The following SCUBE2 variants were observed in gnomAD, a reference collection of about 807,000 sequenced individuals.
SCUBE2 encodes signal peptide, CUB domain and EGF like domain containing 2, also known as signal peptide, CUB and EGF-like domain-containing protein 2.
In SCUBE2, 114 loss-of-function variants were observed where a neutral mutation model predicts 125.9. The ratio of observed to expected loss-of-function variants is 0.91; its 90% CI spans 0.78 to 1.06. The LOEUF is 1.06. SCUBE2 is among the 50% of genes least tolerant of loss of function. The pLI is 0.00. For synonymous variants in SCUBE2, 459 were observed against 492.9 expected (o/e 0.93, Z 0.91); for missense variants, 1,255 against 1,301.8 (o/e 0.96, Z 0.55).
Position 9,027,329 on chromosome 11 carries a change from T to C in SCUBE2, c.2701+35A>G, listed in dbSNP as rs1172098378. ...GGAGCAGGTCATCAGGCTTCCCAGC[T>C]GGCCTGAGAAAGGGAGGGAGGGAGT... On this transcript the variant is annotated intron_variant, in intron 20 of 22. Coordinates refer to ENST00000649792, the MANE Select transcript of SCUBE2 (RefSeq NM_001367977.2). The C allele has an allele frequency of 2.5e-6, 4 of 1,607,110 alleles. No individual in the cohort carries two copies. The Admixed American group carries it at 5.0e-5, about 20-fold the overall frequency.
chr11:9,074,370 C>G, intron 4 of SCUBE2, 111 bp downstream of exon 4: 1 of 1,395,686 alleles, frequency 7.2e-7, no homozygotes, highest in Non-Finnish European at 9.7e-7. Context: ...CCTCAGGCCT[C>G]CAGACTTTCT....
At chr11:9,070,711 AG>A (rs1258910377) in intron 4 of SCUBE2, among the ~76,000 whole-genome samples, 3 of 152,230 alleles carry the variant, frequency 2.0e-5, no homozygotes, top group African/African-American at 7.2e-5. Context: ...GTGAAGTCAA[AG>A]TTCTCTCTCC....
At chr11:9,070,627 A>C (rs1860703479) in intron 4 of SCUBE2, among the ~76,000 whole-genome samples, 1 of 152,178 alleles carries the variant, frequency 6.6e-6, no homozygotes, top group Admixed American at 6.5e-5. Context: ...CGAGTACAAA[A>C]AGGTTGCTTT....
intron 4 of SCUBE2, 32 bp downstream of exon 4, chr11:9,074,449 C>T (rs536674945): frequency 1.2e-5 from 19 of 1,612,430 alleles, no homozygotes; most frequent in African/African-American, 8.0e-5. Context: ...TCAGATGTGG[C>T]TCTGCCCCCA....
At chr11:9,064,107 G>A (rs1019215374) in intron 7 of SCUBE2, among the ~76,000 whole-genome samples, 4 of 152,118 alleles carry the variant, frequency 2.6e-5, no homozygotes, top group African/African-American at 9.7e-5. Context: ...GGGAAGCAGT[G>A]AGAGCTAAAT....
intron 2 of SCUBE2, among the ~76,000 whole-genome samples, chr11:9,082,751 C>T (rs530285346): frequency 2.6e-5 from 4 of 152,130 alleles, no homozygotes; most frequent in African/African-American, 7.2e-5. Flanking sequence ...ATTCCACTTA[C>T]GTGAAATGTC....
intron 2 of SCUBE2, among the ~76,000 whole-genome samples, chr11:9,080,993 C>G (rs1216730474): frequency 6.6e-6 from 1 of 152,134 alleles, no homozygotes; most frequent in Non-Finnish European, 1.5e-5. Flanking sequence ...TGAAAAAATG[C>G]TCAACGCCAT....
intron 16 of SCUBE2, among the ~76,000 whole-genome samples, chr11:9,037,725 C>T (rs1856858229): frequency 6.6e-6 from 1 of 152,208 alleles, no homozygotes; most frequent in Non-Finnish European, 1.5e-5. Flanking sequence ...TAACAGGGGA[C>T]AGTCCTTCTT....
At position 9,030,910 on chromosome 11, in the gene SCUBE2, C is replaced by A; in HGVS notation, c.2189G>T (p.Gly730Val). The A allele has an allele frequency of 6.2e-7, 1 of 1,613,868 alleles. No individual in the cohort carries two copies. The highest frequency in any genetic ancestry group is 1.1e-5 in the South Asian group (1 of 91,000). The change falls in exon 18 of 23, where the codon GGT becomes GTT. Residue 730 changes from glycine to valine, a missense_variant. This residue lies in a region of SCUBE2 where 515 missense variants were observed against 515.7 expected (regional missense o/e 1.00). Transcript: ENST00000649792. The part of the protein sequence containing the change: ...MSECGGLCQP[G>V]EYSADGFAPC... ...TGCAAAGCCATCTGCAGAATATTCA[C>A]CAGGTTGACACAGACCTGGAAGGAC...
At chr11:9,035,587 C>T (rs990501810) in intron 16 of SCUBE2, among the ~76,000 whole-genome samples, 4 of 152,072 alleles carry the variant, frequency 2.6e-5, no homozygotes, top group African/African-American at 7.2e-5. Flanking sequence ...GTGTCTGTAA[C>T]AAGGGAGATC....
At chr11:9,069,007 G>A (rs1434427162) in intron 5 of SCUBE2, among the ~76,000 whole-genome samples, 4 of 152,226 alleles carry the variant, frequency 2.6e-5, no homozygotes, top group Non-Finnish European at 5.9e-5. Flanking sequence ...AGTGTCTGCG[G>A]AAAGGAGGCA....
intron 2 of SCUBE2, among the ~76,000 whole-genome samples, chr11:9,080,927 G>A (rs530534008): frequency 2.6e-5 from 4 of 152,130 alleles, no homozygotes; most frequent in Admixed American, 1.3e-4. Context: ...TAAAATGGGC[G>A]AAATATTCGA....
At chr11:9,088,954 T>C (rs542965487) in intron 2 of SCUBE2, among the ~76,000 whole-genome samples, 1 of 152,238 alleles carries the variant, frequency 6.6e-6, no homozygotes, top group Non-Finnish European at 1.5e-5. Context: ...ATCTGTGAAA[T>C]GAGTAATAGC....
rs756748666 is a variant in SCUBE2, at chr11:9,055,840, C to T, written c.1160G>A (p.Cys387Tyr). Residue 387 changes from cysteine to tyrosine, a missense_variant, in exon 10 of 23, where the codon TGT becomes TAT. Physicochemically the swap from Cys to Tyr is radical, Grantham distance 194. This residue lies in a region of SCUBE2 where 378 missense variants were observed against 463.1 expected (regional missense o/e 0.82). Transcript: ENST00000649792. ...CAGGGTGTACCCTCGGTTGCAAGCACAAGCAAATGTGCCAGGGTGGTTGAT... is the reference window on the plus strand; with the variant it reads ...CAGGGTGTACCCTCGGTTGCAAGCATAAGCAAATGTGCCAGGGTGGTTGAT... The part of the protein sequence containing the change: ...SCINHPGTFA[C>Y]ACNRGYTLYG... The T allele has an allele frequency of 1.9e-6, 3 of 1,614,196 alleles. No individual in the cohort carries two copies. In the South Asian group the frequency reaches 3.3e-5, roughly 18 times the overall value.
At chr11:9,060,057 A>G (rs778590791) in intron 8 of SCUBE2, among the ~76,000 whole-genome samples, 11 of 152,234 alleles carry the variant, frequency 7.2e-5, no homozygotes, top group Non-Finnish European at 1.3e-4. Context: ...TGTTATTTAT[A>G]TAATAATCTC....
intron 19 of SCUBE2, among the ~76,000 whole-genome samples, chr11:9,027,907 A>G (rs1366671161): frequency 6.6e-6 from 1 of 152,210 alleles, no homozygotes; most frequent in Non-Finnish European, 1.5e-5. Context: ...CAGAACTTCT[A>G]GGTCTCTCAA....
chr11:9,023,000 G>T (rs1855439257), intron 21 of SCUBE2, among the ~76,000 whole-genome samples: 1 of 152,132 alleles, frequency 6.6e-6, no homozygotes, highest in Admixed American at 6.6e-5. Context: ...AGAAAACTGT[G>T]TGTGTTCTCT....
chr11:9,080,074 G>A (rs1861518279), intron 2 of SCUBE2, among the ~76,000 whole-genome samples: 1 of 152,154 alleles, frequency 6.6e-6, no homozygotes, highest in African/African-American at 2.4e-5. Context: ...AAGACAGCAT[G>A]GTACAGGCAT....
At chr11:9,034,950 T>C (rs1389484590) in intron 16 of SCUBE2, among the ~76,000 whole-genome samples, 3 of 152,130 alleles carry the variant, frequency 2.0e-5, no homozygotes, top group Non-Finnish European at 4.4e-5. Flanking sequence ...TGGGCCGAGA[T>C]GGTGCCACTG....
Sources: gnomAD v4.1 joint callset for allele counts (sites outside exome capture counted in the v4.1 genomes callset) on GRCh38, gnomAD v4.1.1 for gene constraint, gnomAD v4.1.1 regional missense constraint, MANE v1.5 for transcripts, NCBI Gene and HGNC (gene_info 2026-07-23, HGNC 2026-07-21) for gene names.